VPS50: variants seen among roughly 807,000 people sequenced by gnomAD.
The protein encoded by VPS50 is syndetin.
VPS50 carries 70 observed loss-of-function variants against 139.7 expected under a neutral mutation model. The ratio of observed to expected loss-of-function variants is 0.50; its 90% CI spans 0.41 to 0.61. VPS50 has a LOEUF of 0.61. Ranked by LOEUF, VPS50 falls within the 20% of genes least tolerant of loss-of-function variation. The pLI is 0.00. For synonymous variants in VPS50, 365 were observed against 376.7 expected, an observed-to-expected ratio of 0.97 and a Z score of 0.36; for missense variants, 921 against 1,133.7, an observed-to-expected ratio of 0.81 and a Z score of 2.69.
intron 21 of VPS50, among the ~76,000 whole-genome samples, chr7:93,328,898 G>A (rs187088584): frequency 7.4e-4 from 112 of 152,104 alleles, no homozygotes; most frequent in Non-Finnish European, 1.0e-3. Flanking sequence ...TGATTATATG[G>A]AACAAACTGA....
rs375829448 is a variant in VPS50, at chr7:93,351,654, T to C, written c.2463+1621T>C. ...CTCTTTTATAAGGGTGTTAATTCCC[T>C]TGGTGAGAGCTTGGCCCTCATGACC... is the stretch of plus-strand genomic sequence containing the variant. On this transcript the variant is annotated intron_variant, in intron 25 of 27. Transcript: ENST00000305866. 4.1e-4 allele frequency among the ~76,000 whole-genome samples: 63 copies of C among 152,270 alleles called. No homozygotes were observed. In the South Asian group the frequency reaches 0.013, roughly 31 times the overall value.
At chr7:93,277,505 T>A (rs1202660757) in intron 12 of VPS50, among the ~76,000 whole-genome samples, 2 of 152,198 alleles carry the variant, frequency 1.3e-5, no homozygotes, top group African/African-American at 4.8e-5. Flanking sequence ...CATCCTTCAA[T>A]GAATTTCTTT....
intron 17 of VPS50, among the ~76,000 whole-genome samples, chr7:93,304,201 G>T (rs1278073899): frequency 6.6e-6 from 1 of 151,844 alleles, no homozygotes; most frequent in African/African-American, 2.4e-5. Context: ...AATATCAAGT[G>T]TCAAAATGCA....
intron 13 of VPS50, 100 bp from the exon 14 acceptor site, chr7:93,294,445 T>A (rs1796743097): frequency 2.0e-6 from 2 of 1,010,604 alleles, no homozygotes; most frequent in Admixed American, 2.8e-5. Context: ...TACTGTATCT[T>A]ACATAGACTT....
intron 21 of VPS50, among the ~76,000 whole-genome samples, chr7:93,326,620 T>C (rs998917359): frequency 6.6e-6 from 1 of 151,962 alleles, no homozygotes; most frequent in Admixed American, 6.5e-5. Flanking sequence ...CCAAAGCTCT[T>C]ATTGAGTATA....
At chr7:93,269,643 T>C (rs1463608399) in intron 9 of VPS50, among the ~76,000 whole-genome samples, 2 of 152,088 alleles carry the variant, frequency 1.3e-5, no homozygotes, top group East Asian at 3.8e-4. Flanking sequence ...TCTGGTATTA[T>C]CTCTGTAGCT....
At chr7:93,266,081 G>A (rs912081487) in intron 9 of VPS50, among the ~76,000 whole-genome samples, 1 of 152,302 alleles carries the variant, frequency 6.6e-6, no homozygotes, top group East Asian at 1.9e-4. Flanking sequence ...TCTGCTTCCT[G>A]TAAGTAGATT....
intron 1 of VPS50, among the ~76,000 whole-genome samples, chr7:93,236,438 G>A (rs1308543620): frequency 6.6e-6 from 1 of 152,194 alleles, no homozygotes; most frequent in African/African-American, 2.4e-5. Flanking sequence ...TGCTGGTTTC[G>A]TAAATGGAAA....
intron 18 of VPS50, among the ~76,000 whole-genome samples, chr7:93,308,451 CTT>C (rs1356996513): frequency 2.6e-5 from 4 of 151,700 alleles, no homozygotes; most frequent in Non-Finnish European, 5.9e-5. Context: ...TACTGAACCT[CTT>C]TTTAATGAGT....
At chr7:93,277,362 G>GC (rs1796189181) in intron 12 of VPS50, among the ~76,000 whole-genome samples, 2 of 152,296 alleles carry the variant, frequency 1.3e-5, no homozygotes, top group South Asian at 4.1e-4. Flanking sequence ...CTAAGAATGC[G>GC]CTATGTCTCT....
rs543227260 is a variant in VPS50, at chr7:93,301,683, G to A, written c.1362-1777G>A. 1.4e-4 allele frequency among the ~76,000 whole-genome samples: 21 copies of A among 152,200 alleles called. No individual in the cohort carries two copies. In the East Asian group the frequency reaches 3.9e-3, roughly 28 times the overall value. ...TCAACCCACTGATACTGATTTTCAGGCTCTGGCCTCTAGAACTGTGAGAGA... is the reference window on the plus strand; with the variant it reads ...TCAACCCACTGATACTGATTTTCAGACTCTGGCCTCTAGAACTGTGAGAGA... On this transcript the variant is annotated intron_variant, in intron 16 of 27. Transcript: ENST00000305866.
intron 11 of VPS50, 44 bp from the exon 12 acceptor site, chr7:93,276,121 T>C (rs1796144986): frequency 5.4e-6 from 8 of 1,494,166 alleles, no homozygotes; most frequent in Non-Finnish European, 7.2e-6. Context: ...ATTTATTTAT[T>C]TTAATAATGT....
chr7:93,239,823 T>C (rs761708647), intron 1 of VPS50, 43 bp from the exon 2 acceptor site: 2 of 1,127,164 alleles, frequency 1.8e-6, no homozygotes, highest in South Asian at 1.2e-5. Flanking sequence ...TTTATAATTC[T>C]TCAGCATGAT....
At chr7:93,244,016 C>T (rs1170946682) in intron 2 of VPS50, among the ~76,000 whole-genome samples, 1 of 151,632 alleles carries the variant, frequency 6.6e-6, no homozygotes, top group Non-Finnish European at 1.5e-5. Flanking sequence ...TTAATTAACT[C>T]ATAAATAGTA....
At chr7:93,333,846 C>T (rs187416951) in intron 21 of VPS50, 27 of 366,792 alleles carry the variant, frequency 7.4e-5, no homozygotes, top group Admixed American at 2.4e-4. Context: ...TAATGACTCG[C>T]GAGAAAGAAA....
chr7:93,293,611 A>G (rs1796712423), intron 13 of VPS50, among the ~76,000 whole-genome samples: 1 of 152,208 alleles, frequency 6.6e-6, no homozygotes, highest in Non-Finnish European at 1.5e-5. Flanking sequence ...ATTACTTTTC[A>G]TGGAACTTCA....
At chr7:93,283,554 C>T (rs967265318) in intron 12 of VPS50, among the ~76,000 whole-genome samples, 1 of 151,984 alleles carries the variant, frequency 6.6e-6, no homozygotes, top group Non-Finnish European at 1.5e-5. Context: ...TTTTCTTACT[C>T]AGTCGTCAGT....
Position 93,353,689 on chromosome 7 carries a change from G to A in VPS50, c.2513G>A (p.Arg838His), listed in dbSNP as rs758457222. Reference protein sequence around the residue: ...RRLNEVSKRVRIPLPVSNILW... With the variant: ...RRLNEVSKRVHIPLPVSNILW... ...CTAAATGAAGTTTCTAAGAGAGTTC[G>A]CATACCCTTGCCTGTGTCTAATATA... Residue 838 changes from arginine to histidine, a missense_variant, in exon 26 of 28, where the codon CGC (arginine) becomes CAC (histidine). Coordinates refer to ENST00000305866, the MANE Select transcript of VPS50 (RefSeq NM_017667.4). The A allele has an allele frequency of 6.2e-7, 1 of 1,612,448 alleles. No homozygotes were observed. The highest frequency in any genetic ancestry group is 8.5e-7 in the Non-Finnish European group (1 of 1,178,722).
At chr7:93,252,460 T>C (rs1016287951) in intron 2 of VPS50, among the ~76,000 whole-genome samples, 193 bp from the exon 3 acceptor site, 3 of 152,218 alleles carry the variant, frequency 2.0e-5, no homozygotes, top group Non-Finnish European at 2.9e-5. Context: ...GCTAGTTTTC[T>C]TCTGTAGTTG....
Sources: allele counts gnomAD v4.1 joint callset (sites outside exome capture counted in the v4.1 genomes callset), GRCh38; gene constraint gnomAD v4.1.1; transcripts MANE v1.5; gene names NCBI Gene and HGNC (gene_info 2026-07-23, HGNC 2026-07-21).